Variants in CAST observed in about 807,000 individuals in gnomAD.
CAST encodes MIR583 host.
A neutral mutation model predicts 119.6 loss-of-function variants in CAST; 76 were observed. The ratio of observed to expected loss-of-function variants is 0.64; its 90% CI spans 0.53 to 0.77. The LOEUF (loss-of-function observed/expected upper bound fraction) is 0.77, where lower values mean the gene tolerates loss of function less well. Among genes scored for constraint, CAST ranks in the 30% least tolerant of loss-of-function variants. The probability of loss-of-function intolerance (pLI) is 0.00; values close to 1 mark genes in which losing one functional copy is unlikely to be tolerated. For synonymous variants in CAST, 319 were observed against 331.6 expected, an observed-to-expected ratio of 0.96 and a Z score of 0.41; for missense variants, 953 against 946.5, an observed-to-expected ratio of 1.01 and a Z score of -0.09.
At chr5:96,282,979 A>C in the CAST span, among the ~76,000 whole-genome samples, 1 of 150,936 alleles carries the variant, frequency 6.6e-6, no homozygotes, top group South Asian at 2.1e-4. Flanking sequence ...AATACAAAAA[A>C]ATTAGCCGGG....
At chr5:96,397,521 T>C in the CAST span, 62 of 1,479,882 alleles carry the variant, frequency 4.2e-5, 1 homozygote, top group East Asian at 9.5e-4. Context: ...GATAGTAGGA[T>C]ACACTCTAGC....
chr5:96,140,154 A>C, the CAST span, among the ~76,000 whole-genome samples: 1 of 152,224 alleles, frequency 6.6e-6, no homozygotes, highest in Non-Finnish European at 1.5e-5. Context: ...GGCTAGAAAT[A>C]GCTAGGGTTC....
the CAST span, among the ~76,000 whole-genome samples, chr5:96,387,045 G>C: frequency 1.3e-5 from 2 of 152,112 alleles, no homozygotes; most frequent in Non-Finnish European, 2.9e-5. Flanking sequence ...AATCCTAACA[G>C]CAAATGCATA....
chr5:96,295,893 GCA>G, the CAST span, among the ~76,000 whole-genome samples: 1 of 152,038 alleles, frequency 6.6e-6, no homozygotes, highest in Non-Finnish European at 1.5e-5. Context: ...ATATATATAT[GCA>G]CACACACATA....
the CAST span, among the ~76,000 whole-genome samples, chr5:95,966,855 G>T: frequency 2.6e-5 from 4 of 152,144 alleles, no homozygotes; most frequent in African/African-American, 9.7e-5. Context: ...AAAGGACTCA[G>T]ATTTGATTCC....
chr5:96,745,154 C>T (rs1416693455), intron 16 of CAST, among the ~76,000 whole-genome samples: 6 of 152,172 alleles, frequency 3.9e-5, no homozygotes, highest in Non-Finnish European at 2.9e-5. Flanking sequence ...GTGCCTTGAC[C>T]TGGGGAGTGC....
At chr5:96,358,431 G>A in the CAST span, among the ~76,000 whole-genome samples, 2 of 151,982 alleles carry the variant, frequency 1.3e-5, no homozygotes, top group East Asian at 3.9e-4. Context: ...TTAGGTTGTT[G>A]ATTTTAGATC....
the CAST span, among the ~76,000 whole-genome samples, chr5:96,314,054 T>C: frequency 0.89 from 135,549 of 152,240 alleles, 60,540 homozygotes; most frequent in Non-Finnish European, 0.93. Context: ...TCTGTATGCA[T>C]AGGAACCTGC....
the CAST span, among the ~76,000 whole-genome samples, chr5:96,347,496 C>T: frequency 1.3e-5 from 2 of 152,174 alleles, no homozygotes; most frequent in African/African-American, 4.8e-5. Flanking sequence ...TTTGTTTGTA[C>T]TAGCATACCA....
chr5:96,034,509 A>ACACACAC, the CAST span, among the ~76,000 whole-genome samples: 1 of 131,752 alleles, frequency 7.6e-6, no homozygotes, highest in Non-Finnish European at 1.6e-5. Context: ...ACACACACAT[A>ACACACAC]TGTGTGTGTG....
chr5:96,289,022 A>G, the CAST span, among the ~76,000 whole-genome samples: 1 of 151,992 alleles, frequency 6.6e-6, no homozygotes, highest in Non-Finnish European at 1.5e-5. Flanking sequence ...TATGGTAAGG[A>G]ATTTTTTATT....
chr5:96,660,860 T>C (rs1016779238), upstream of CAST, among the ~76,000 whole-genome samples: 2 of 151,876 alleles, frequency 1.3e-5, no homozygotes, highest in Non-Finnish European at 2.9e-5. Flanking sequence ...AGTCCCAATA[T>C]CTAAGTTGTT....
chr5:96,526,718 AC>A, upstream of CAST, among the ~76,000 whole-genome samples: 1 of 152,260 alleles, frequency 6.6e-6, no homozygotes, highest in Admixed American at 6.5e-5. Context: ...GCAACACTGG[AC>A]CCCAGGTTGC....
the CAST span, among the ~76,000 whole-genome samples, chr5:96,326,033 A>C: frequency 0.27 from 41,608 of 152,060 alleles, 5,924 homozygotes; most frequent in Middle Eastern, 0.31. Context: ...CTTTTCACCC[A>C]ACTTGCTCGT....
At chr5:96,387,941 T>C in the CAST span, among the ~76,000 whole-genome samples, 169 of 152,132 alleles carry the variant, frequency 1.1e-3, no homozygotes, top group Admixed American at 4.5e-3. Flanking sequence ...AATTCGAGGA[T>C]GTTTTCCTCT....
At chr5:96,557,692 C>G (rs1192102370) in intron 1 of CAST, among the ~76,000 whole-genome samples, 1 of 152,178 alleles carries the variant, frequency 6.6e-6, no homozygotes, top group Non-Finnish European at 1.5e-5. Flanking sequence ...CAGGAGCACC[C>G]AGATTCATAA....
intron 1 of CAST, among the ~76,000 whole-genome samples, chr5:96,629,917 C>T (rs764570778): frequency 6.6e-6 from 1 of 152,264 alleles, no homozygotes; most frequent in Non-Finnish European, 1.5e-5. Context: ...AGATTTAAAC[C>T]ACAGCCAAGC....
chr5:96,471,894 C>T, the CAST span, among the ~76,000 whole-genome samples: 6 of 151,896 alleles, frequency 4.0e-5, no homozygotes, highest in Admixed American at 2.6e-4. Flanking sequence ...CACATTCAGG[C>T]TCATGCCAGC....
chr5:96,724,446 G>A (rs1047487949), intron 4 of CAST, among the ~76,000 whole-genome samples: 1 of 152,000 alleles, frequency 6.6e-6, no homozygotes, highest in African/African-American at 2.4e-5. Context: ...GCCTCCCAAA[G>A]TGCTGGGATT....
Sources: allele counts gnomAD v4.1 joint callset (sites outside exome capture counted in the v4.1 genomes callset), GRCh38; gene constraint gnomAD v4.1.1; transcripts MANE v1.5; gene names NCBI Gene and HGNC (gene_info 2026-07-23, HGNC 2026-07-21).